The following ARF6 variants were observed in gnomAD, a reference collection of about 807,000 sequenced individuals.
ARF6 encodes the protein ARF GTPase 6.
For synonymous variants in ARF6, 127 were observed against 95.5 expected (o/e 1.33, Z -1.92); for missense variants, 75 against 232.0 (o/e 0.32, Z 4.40).
At position 49,893,602 on chromosome 14, in the gene ARF6, A is replaced by T; in HGVS notation, c.-135A>T. Reference sequence around the variant, plus strand: ...GGGGGCCTGGGCCTCTGCCCTTAGGAGGCAACTCCCACGCAGGCCGCAAAG... The same window carrying T: ...GGGGGCCTGGGCCTCTGCCCTTAGGTGGCAACTCCCACGCAGGCCGCAAAG... On this transcript the variant is annotated 5_prime_UTR_variant, in exon 2 of 2. Transcript: ENST00000298316. The T allele has an allele frequency of 9.1e-7, 1 of 1,094,386 alleles. No individual in the cohort carries two copies. Among genetic ancestry groups the T allele is most frequent in the Non-Finnish European group, 1.3e-6 (1 of 757,524 alleles). 67.8% of individuals were successfully genotyped at this position (1,094,386 alleles called of 1,614,324 possible).
chr14:49,897,054 A>AG (rs1209491531), downstream of ARF6: 1 of 167,074 alleles, frequency 6.0e-6, no homozygotes, highest in African/African-American at 2.4e-5. Context: ...TACACAGTGC[A>AG]GTTTCTCACG....
In ARF6 at chr14:49,894,064, C is replaced by A; in HGVS notation, c.328C>A (p.Arg110=). 6.2e-7 allele frequency: 1 copy of A among 1,614,172 alleles called. No individual in the cohort carries two copies. The highest frequency in any genetic ancestry group is 8.5e-7 in the Non-Finnish European group (1 of 1,180,030). The change falls in exon 2 of 2, where the codon CGG becomes AGG. Residue 110 remains arginine, a synonymous_variant. Transcript: ENST00000298316. ...GGAGCTGCACCGCATTATCAATGAC[C>A]GGGAGATGAGGGACGCCATAATCCT... is the stretch of plus-strand genomic sequence containing the variant. ...RQELHRIIND[R]EMRDAIILIF...
chr14:49,893,579 G>C lies in ARF6; in HGVS notation c.-158G>C. On this transcript the variant is annotated 5_prime_UTR_variant, in exon 2 of 2. Transcript: ENST00000298316. The stretch of plus-strand genomic sequence containing the variant: ...GGTCGGTGATGCCCGAGTGAGCGGG[G>C]GGCCTGGGCCTCTGCCCTTAGGAGG... 8.6e-6 allele frequency: 7 copies of C among 812,064 alleles called. 1 individual carries two copies. In the South Asian group the frequency reaches 1.1e-4, roughly 13 times the overall value. The allele number at this position is 812,064 out of a possible 1,614,324, so 50.3% of individuals were successfully genotyped here.
Position 49,896,368 on chromosome 14 carries a change from G to C in ARF6, c.*2104G>C, listed in dbSNP as rs1474326070. The C allele has an allele frequency of 1.2e-5, 2 of 166,924 alleles. No individual in the cohort carries two copies. Among genetic ancestry groups the C allele is most frequent in the Admixed American group, 1.3e-4 (2 of 15,242 alleles). 10.3% of individuals were successfully genotyped at this position (166,924 alleles called of 1,614,324 possible). On this transcript the variant is annotated 3_prime_UTR_variant, in exon 2 of 2. Coordinates refer to ENST00000298316, the MANE Select transcript of ARF6 (RefSeq NM_001663.4). ...ATTGCATTTTAAAGTATATAAATAT[G>C]GGTTATCCAATATCAATGCTATAGT...
rs754412742 is a variant in ARF6 at position 49,893,721 on chromosome 14, C to G, written c.-16C>G. 1 of 1,605,022 alleles carries G rather than the reference C, an allele frequency of 6.2e-7. No homozygotes were observed. Among genetic ancestry groups the G allele is most frequent in the Admixed American group, 1.7e-5 (1 of 59,834 alleles). The stretch of plus-strand genomic sequence containing the variant: ...CGGGACACCTGAATGCCCCCGGCCC[C>G]GGCTCCTCCGACGCGATGGGGAAGG... On this transcript the variant is annotated 5_prime_UTR_variant, in exon 2 of 2. Coordinates refer to ENST00000298316, the MANE Select transcript of ARF6 (RefSeq NM_001663.4).
At position 49,893,629 on chromosome 14, in the gene ARF6, C is replaced by T; in HGVS notation, c.-108C>T. ...GCAACTCCCACGCAGGCCGCAAAGG[C>T]GCTCTCGCGGCCGAGAGGCTTCGTT... On this transcript the variant is annotated 5_prime_UTR_variant, in exon 2 of 2. Coordinates refer to ENST00000298316, the MANE Select transcript of ARF6 (RefSeq NM_001663.4). The T allele has an allele frequency of 2.8e-6, 4 of 1,426,582 alleles. No individual in the cohort carries two copies. Among genetic ancestry groups the T allele is most frequent in the Non-Finnish European group, 3.8e-6 (4 of 1,043,972 alleles). 88.4% of individuals were successfully genotyped at this position (1,426,582 alleles called of 1,614,324 possible). A position where few individuals can be genotyped will look rare whatever the true frequency, so the allele number is the denominator to read the frequency against.
chr14:49,894,390 T>G lies in ARF6; in HGVS notation c.*126T>G. On this transcript the variant is annotated 3_prime_UTR_variant, in exon 2 of 2. Transcript: ENST00000298316. ...TGAATTTGAACTCTGGAGTTACTGT[T>G]CTACAGTTTGGCGGGGACGGGGCTT... 9.5e-7 allele frequency: 1 copy of G among 1,051,562 alleles called. No homozygotes were observed. The highest frequency in any genetic ancestry group is 1.8e-5 in the South Asian group (1 of 54,094). The allele number at this position is 1,051,562 out of a possible 1,614,324, so 65.1% of individuals were successfully genotyped here. A position where few individuals can be genotyped will look rare whatever the true frequency, so the allele number is the denominator to read the frequency against.
rs1594840920 is a variant in ARF6, at chr14:49,894,116, C to G, written c.380C>G (p.Pro127Arg). 1 of 1,614,100 alleles carries G rather than the reference C, an allele frequency of 6.2e-7. No homozygotes were observed. Among genetic ancestry groups the G allele is most frequent in the East Asian group, 2.2e-5 (1 of 44,870 alleles). ...ATCTTCGCCAACAAGCAGGACCTGC[C>G]CGATGCCATGAAACCCCACGAGATC... ...ILIFANKQDL[P>R]DAMKPHEIQE... The change falls in exon 2 of 2, where the codon CCC becomes CGC. Residue 127 changes from proline to arginine, a missense_variant. Coordinates refer to ENST00000298316, the MANE Select transcript of ARF6 (RefSeq NM_001663.4).
At position 49,893,544 on chromosome 14, in the gene ARF6, C is replaced by T. The variant is rs1163823966; in HGVS notation, c.-193C>T. The T allele has an allele frequency of 4.6e-6, 3 of 650,622 alleles. No homozygotes were observed. Among genetic ancestry groups the T allele is most frequent in the Non-Finnish European group, 7.7e-6 (3 of 387,982 alleles). 40.3% of individuals were successfully genotyped at this position (650,622 alleles called of 1,614,324 possible). A position where few individuals can be genotyped will look rare whatever the true frequency, so the allele number is the denominator to read the frequency against. ...GGGTGGCGGCGGCGACTGGAGAAATCAAGTTGTGCGGTCGGTGATGCCCGA... is the reference window on the plus strand; with the variant it reads ...GGGTGGCGGCGGCGACTGGAGAAATTAAGTTGTGCGGTCGGTGATGCCCGA... On this transcript the variant is annotated 5_prime_UTR_variant, in exon 2 of 2. Coordinates refer to ENST00000298316, the MANE Select transcript of ARF6 (RefSeq NM_001663.4).
In ARF6 at chr14:49,893,902, A is replaced by C. The variant is rs747694604; in HGVS notation, c.166A>C (p.Asn56His). The change falls in exon 2 of 2, where the codon AAT becomes CAT. Residue 56 changes from asparagine (N) to histidine (H), a missense_variant. By Grantham distance (68) the Asn-to-His change is moderately conservative (BLOSUM62 1). Transcript: ENST00000298316. ...GFNVETVTYK[N>H]VKFNVWDVGG... ...CAACGTGGAGACGGTGACTTACAAAAATGTCAAGTTCAACGTATGGGATGT... is the reference window on the plus strand; with the variant it reads ...CAACGTGGAGACGGTGACTTACAAACATGTCAAGTTCAACGTATGGGATGT... 6.2e-7 allele frequency: 1 copy of C among 1,614,214 alleles called. No individual in the cohort carries two copies. The highest frequency in any genetic ancestry group is 1.7e-5 in the Admixed American group (1 of 60,024).
chr14:49,895,684 T>C lies in ARF6; in HGVS notation c.*1420T>C, dbSNP rs1344777437. The C allele has an allele frequency of 2.4e-5, 4 of 166,960 alleles. No individual in the cohort carries two copies. Among genetic ancestry groups the C allele is most frequent in the African/African-American group, 9.6e-5 (4 of 41,460 alleles). The allele number at this position is 166,960 out of a possible 1,614,324, so 10.3% of individuals were successfully genotyped here. On this transcript the variant is annotated 3_prime_UTR_variant, in exon 2 of 2. Coordinates refer to ENST00000298316, the MANE Select transcript of ARF6 (RefSeq NM_001663.4). ...ACAGATGACAATGAATGTAAACTTA[T>C]TTTTCTTCATGTGTAAGCAGTGTGC...
In ARF6 at chr14:49,893,297, GC is replaced by G; in HGVS notation, c.-436del. 1 of 156,286 alleles carries G rather than the reference GC, an allele frequency of 6.4e-6. No individual in the cohort carries two copies. Among genetic ancestry groups the G allele is most frequent in the Non-Finnish European group, 1.4e-5 (1 of 70,934 alleles). 9.7% of individuals were successfully genotyped at this position (156,286 alleles called of 1,614,324 possible). A position where few individuals can be genotyped will look rare whatever the true frequency, so the allele number is the denominator to read the frequency against. ...CCGCGAGGATCCATGACCTGACGGG[GC>G]CCCGGAGCCGCGCTGCCTCTCGGGT... On this transcript the variant is annotated 5_prime_UTR_variant, in exon 2 of 2. Coordinates refer to ENST00000298316, the MANE Select transcript of ARF6 (RefSeq NM_001663.4).
In ARF6 at chr14:49,896,484, C is replaced by G. The variant is rs1894525232; in HGVS notation, c.*2220C>G. On this transcript the variant is annotated 3_prime_UTR_variant, in exon 2 of 2. Transcript: ENST00000298316. ...ATGTTAAATCTTAAATGTAGTATTTCTAACTTGTGAAGACAGATTGGTAGG... is the reference window on the plus strand; with the variant it reads ...ATGTTAAATCTTAAATGTAGTATTTGTAACTTGTGAAGACAGATTGGTAGG... The G allele has an allele frequency of 6.0e-6, 1 of 166,978 alleles. No individual in the cohort carries two copies. Among genetic ancestry groups the G allele is most frequent in the Non-Finnish European group, 1.5e-5 (1 of 68,072 alleles). 10.3% of individuals were successfully genotyped at this position (166,978 alleles called of 1,614,324 possible).
Position 49,895,933 on chromosome 14 carries a change from G to C in ARF6, c.*1669G>C, listed in dbSNP as rs1281468963. On this transcript the variant is annotated 3_prime_UTR_variant, in exon 2 of 2. Coordinates refer to ENST00000298316, the MANE Select transcript of ARF6 (RefSeq NM_001663.4). ...TGTAGACTGCAAAGGCAGTATACAG[G>C]AAAAGGTGGAGTGGGTTTTGTTTAT... The C allele has an allele frequency of 6.0e-6, 1 of 167,060 alleles. No homozygotes were observed. The allele number at this position is 167,060 out of a possible 1,614,324, so 10.3% of individuals were successfully genotyped here. A position where few individuals can be genotyped will look rare whatever the true frequency, so the allele number is the denominator to read the frequency against.
rs1028116000 is a variant in ARF6, at chr14:49,894,810, C to G, written c.*546C>G. 6.0e-6 allele frequency: 1 copy of G among 167,476 alleles called. No individual in the cohort carries two copies. The highest frequency in any genetic ancestry group is 2.4e-5 in the African/African-American group (1 of 41,396). 10.4% of individuals were successfully genotyped at this position (167,476 alleles called of 1,614,324 possible). On this transcript the variant is annotated 3_prime_UTR_variant, in exon 2 of 2. Transcript: ENST00000298316. ...TTTTATATTTAAGGCCTTCCCCCCC[C>G]TTCCTTATGAGTTCTAACTTAGTAA...
rs575053502 is a variant in ARF6, at chr14:49,894,075, G to A, written c.339G>A (p.Arg113=). The change falls in exon 2 of 2, where the codon AGG becomes AGA. Residue 113 remains arginine, a synonymous_variant. Transcript: ENST00000298316. The part of the protein sequence containing the change: ...LHRIINDREM[R]DAIILIFANK... Reference sequence around the variant, plus strand: ...GCATTATCAATGACCGGGAGATGAGGGACGCCATAATCCTCATCTTCGCCA... The same window carrying A: ...GCATTATCAATGACCGGGAGATGAGAGACGCCATAATCCTCATCTTCGCCA... The A allele has an allele frequency of 7.4e-6, 12 of 1,614,122 alleles. No individual in the cohort carries two copies. The highest frequency in any genetic ancestry group is 2.7e-5 in the African/African-American group (2 of 75,008).
rs1357292714 is a variant in ARF6, at chr14:49,894,327, C to T, written c.*63C>T. 1 of 1,438,684 alleles carries T rather than the reference C, an allele frequency of 7.0e-7. No homozygotes were observed. The allele number at this position is 1,438,684 out of a possible 1,614,324, so 89.1% of individuals were successfully genotyped here. On this transcript the variant is annotated 3_prime_UTR_variant, in exon 2 of 2. Coordinates refer to ENST00000298316, the MANE Select transcript of ARF6 (RefSeq NM_001663.4). ...CAAAAACCCATTCATAGGATTATCG[C>T]CACCATCACCTCTTTCAATTGCCAC...
In ARF6 at chr14:49,893,515, G is replaced by T; in HGVS notation, c.-222G>T. 1.8e-6 allele frequency: 1 copy of T among 567,938 alleles called. No individual in the cohort carries two copies. Among genetic ancestry groups the T allele is most frequent in the African/African-American group, 1.9e-5 (1 of 53,110 alleles). The allele number at this position is 567,938 out of a possible 1,614,324, so 35.2% of individuals were successfully genotyped here. ...CGGCGGCTCCCAGCGCAGTCTCAGG[G>T]CCCGGGTGGCGGCGGCGACTGGAGA... is the stretch of plus-strand genomic sequence containing the variant. On this transcript the variant is annotated 5_prime_UTR_variant, in exon 2 of 2. Transcript: ENST00000298316.
chr14:49,894,383 T>TTACTGTTC lies in ARF6; in HGVS notation c.*123_*130dup. Reference sequence around the variant, plus strand: ...CTTCTTTTGAATTTGAACTCTGGAGTTACTGTTCTACAGTTTGGCGGGGAC... The same window carrying TTACTGTTC: ...CTTCTTTTGAATTTGAACTCTGGAGTTACTGTTCTACTGTTCTACAGTTTGGCGGGGAC... On this transcript the variant is annotated 3_prime_UTR_variant, in exon 2 of 2. Transcript: ENST00000298316. 1 of 1,112,904 alleles carries TTACTGTTC rather than the reference T, an allele frequency of 9.0e-7. No homozygotes were observed. The allele number at this position is 1,112,904 out of a possible 1,614,324, so 68.9% of individuals were successfully genotyped here.
Sources: gnomAD v4.1 joint callset for allele counts on GRCh38, gnomAD v4.1.1 for gene constraint, MANE v1.5 for transcripts, NCBI Gene and HGNC (gene_info 2026-07-23, HGNC 2026-07-21) for gene names.